KIF25: variants seen among roughly 807,000 people sequenced by gnomAD.
KIF25 encodes the protein kinesin family member 25, also known as kinesin-like protein KIF25.
In KIF25, 19 loss-of-function variants were observed where a neutral mutation model predicts 32.9. The observed-to-expected ratio is 0.58, with a 90% CI of 0.40 to 0.85. The LOEUF is 0.85. Among genes scored for constraint, KIF25 ranks in the 40% least tolerant of loss-of-function variants. The pLI, the probability that KIF25 is intolerant of heterozygous loss-of-function variation, is 0.00. For missense variants in KIF25, 485 were observed against 507.0 expected (o/e 0.96, Z 0.42); for synonymous variants, 225 against 213.7 (o/e 1.05, Z -0.46).
At chr6:168,016,221 T>G (rs1437531076) in intron 4 of KIF25, among the ~76,000 whole-genome samples, 1 of 152,150 alleles carries the variant, frequency 6.6e-6, no homozygotes, top group Non-Finnish European at 1.5e-5. Flanking sequence ...GTTTTGAGCG[T>G]GAAGGGAACT....
At chr6:168,037,749 T>C (rs2114909303) in intron 8 of KIF25, among the ~76,000 whole-genome samples, 1 of 151,872 alleles carries the variant, frequency 6.6e-6, no homozygotes, top group Non-Finnish European at 1.5e-5. Flanking sequence ...GATGTGCAGC[T>C]GCTTTTTGTT....
chr6:168,014,813 G>C (rs771914173), intron 4 of KIF25, among the ~76,000 whole-genome samples: 1 of 152,164 alleles, frequency 6.6e-6, no homozygotes, highest in Non-Finnish European at 1.5e-5. Context: ...TATCCACTCT[G>C]TTGATAATCA....
intron 2 of KIF25, among the ~76,000 whole-genome samples, chr6:167,999,958 C>T (rs1798474537): frequency 1.5e-5 from 2 of 136,720 alleles, no homozygotes; most frequent in African/African-American, 2.8e-5. Flanking sequence ...ACCCTCCCCA[C>T]TCCCATCCTG....
At chr6:168,019,042 C>T (rs896780657) in intron 5 of KIF25, among the ~76,000 whole-genome samples, 1 of 152,200 alleles carries the variant, frequency 6.6e-6, no homozygotes, top group South Asian at 2.1e-4. Flanking sequence ...TACACAAGGC[C>T]TTGGGTAGAG....
rs1191042278 is a variant in KIF25 at position 168,024,426 on chromosome 6, T to C, written c.-94-5066T>C. Reference sequence around the variant, plus strand: ...TAATCTTAGTAAAAACCTCTCTCTTTTTTTTTTTTTTTTTTTTTTTTTTTT... The same window carrying C: ...TAATCTTAGTAAAAACCTCTCTCTTCTTTTTTTTTTTTTTTTTTTTTTTTT... On this transcript the variant is annotated intron_variant, in intron 5 of 12. Coordinates refer to ENST00000643607, the MANE Select transcript of KIF25 (RefSeq NM_030615.4). 4.4e-4 allele frequency among the ~76,000 whole-genome samples: 39 copies of C among 88,176 alleles called. No homozygotes were observed. The South Asian group carries it at 0.011, about 26-fold the overall frequency. The allele number at this position is 88,176 out of a possible 152,430, so 57.8% of individuals were successfully genotyped here. A position where few individuals can be genotyped will look rare whatever the true frequency, so the allele number is the denominator to read the frequency against.
At chr6:168,032,360 G>A (rs4708627) in intron 7 of KIF25, among the ~76,000 whole-genome samples, 132,560 of 152,336 alleles carry the variant, frequency 0.87, 57,886 homozygotes, top group East Asian at 0.98. Context: ...GTAAGAACCC[G>A]TTTATCTGTT....
intron 5 of KIF25, among the ~76,000 whole-genome samples, chr6:168,023,831 C>T (rs1160578503): frequency 6.6e-6 from 1 of 152,212 alleles, no homozygotes; most frequent in Non-Finnish European, 1.5e-5. Context: ...CCATGTGTCG[C>T]GATCTGGTGC....
chr6:168,016,338 A>G (rs1189941488), intron 4 of KIF25, among the ~76,000 whole-genome samples: 2 of 152,230 alleles, frequency 1.3e-5, no homozygotes, highest in African/African-American at 2.4e-5. Flanking sequence ...CTCAGCAGAG[A>G]CATAAGCTTC....
At chr6:168,040,613 A>G (rs1479021583) in intron 10 of KIF25, among the ~76,000 whole-genome samples, 1 of 152,118 alleles carries the variant, frequency 6.6e-6, no homozygotes. Flanking sequence ...TGCCTGCAGC[A>G]TCCAAGGCCT....
chr6:168,042,503 G>A (rs200713327), intron 11 of KIF25, 58 bp from the exon 12 acceptor site: 98 of 1,574,264 alleles, frequency 6.2e-5, no homozygotes, highest in Non-Finnish European at 8.2e-5. Flanking sequence ...AGCCGGTTTT[G>A]CTTTTCCTGC....
At chr6:168,035,621 G>C in intron 8 of KIF25, 1 of 442,376 alleles carries the variant, frequency 2.3e-6, no homozygotes, top group East Asian at 7.1e-5. Context: ...TCCAGAAACC[G>C]GATAATCAGC....
intron 4 of KIF25, among the ~76,000 whole-genome samples, chr6:168,005,340 A>C (rs1244416852): frequency 1.3e-5 from 2 of 152,206 alleles, no homozygotes; most frequent in Non-Finnish European, 2.9e-5. Context: ...TACCTGACAC[A>C]GAGCCCCCCG....
chr6:168,025,562 C>G (rs991039739), intron 5 of KIF25, among the ~76,000 whole-genome samples: 2 of 152,074 alleles, frequency 1.3e-5, no homozygotes, highest in African/African-American at 4.8e-5. Context: ...TCCTTCCTCC[C>G]GACCCCACCT....
intron 5 of KIF25, among the ~76,000 whole-genome samples, chr6:168,022,395 T>C (rs1798798529): frequency 6.6e-6 from 1 of 152,154 alleles, no homozygotes; most frequent in Admixed American, 6.6e-5. Flanking sequence ...TTTCCTTATG[T>C]TTTGTGTTCC....
At chr6:168,042,446 C>G (rs138232362) in intron 11 of KIF25, 115 bp from the exon 12 acceptor site, 2 of 1,306,196 alleles carry the variant, frequency 1.5e-6, no homozygotes, top group Non-Finnish European at 2.1e-6. Flanking sequence ...ATGCCTGTCC[C>G]GTCCATGGCC....
intron 10 of KIF25, 109 bp downstream of exon 10, chr6:168,040,325 G>A (rs896489279): frequency 8.0e-6 from 9 of 1,125,890 alleles, no homozygotes; most frequent in Admixed American, 5.4e-5. Context: ...CAGCACTTTG[G>A]GAGACTGAGG....
In KIF25 at chr6:168,042,084, C is replaced by T. The variant is rs1007672911; in HGVS notation, c.762C>T (p.Pro254=). The T allele has an allele frequency of 8.6e-5, 134 of 1,551,312 alleles. No individual in the cohort carries two copies. The highest frequency in any genetic ancestry group is 1.4e-4 in the African/African-American group (10 of 73,080). The part of the protein sequence containing the change: ...ALAPQLVPGN[P]AGHAEQVQAR... ...CTCCACAGCTGGTTCCTGGGAACCC[C>T]GCAGGGCATGCGGAGCAGGTGCAGG... Residue 254 remains proline, a synonymous_variant, in exon 11 of 13, where the codon CCC becomes CCT. Coordinates refer to ENST00000643607, the MANE Select transcript of KIF25 (RefSeq NM_030615.4).
At chr6:168,037,307 T>C (rs80065042) in intron 8 of KIF25, among the ~76,000 whole-genome samples, 1,809 of 152,346 alleles carry the variant, frequency 0.012, 42 homozygotes, top group African/African-American at 0.041. Context: ...TAGATCTGGA[T>C]GAAAAACTCA....
intron 4 of KIF25, among the ~76,000 whole-genome samples, chr6:168,013,415 G>T (rs1359251628): frequency 6.6e-6 from 1 of 152,030 alleles, no homozygotes; most frequent in African/African-American, 2.4e-5. Context: ...TAGGCTTGGA[G>T]TCATGAAGAT....
Sources: gnomAD v4.1 joint callset for allele counts (sites outside exome capture counted in the v4.1 genomes callset) on GRCh38, gnomAD v4.1.1 for gene constraint, MANE v1.5 for transcripts, NCBI Gene and HGNC (gene_info 2026-07-23, HGNC 2026-07-21) for gene names.